Variants in ACBD3 observed in about 807,000 individuals in gnomAD.
ACBD3 encodes the protein Golgi resident protein GCP60.
A neutral mutation model predicts 66.9 loss-of-function variants in ACBD3; 30 were observed. The observed-to-expected ratio is 0.45, with a 90% CI of 0.34 to 0.61. The LOEUF (loss-of-function observed/expected upper bound fraction) is 0.61. Ranked by LOEUF, ACBD3 falls within the 20% of genes least tolerant of loss-of-function variation. The pLI is 0.02. For missense variants in ACBD3, 544 were observed against 664.5 expected (o/e 0.82, Z 1.99); for synonymous variants, 278 against 259.8 (o/e 1.07, Z -0.68).
intron 1 of ACBD3, among the ~76,000 whole-genome samples, chr1:226,184,819 A>G (rs1040139249): frequency 4.1e-5 from 6 of 145,030 alleles, no homozygotes; most frequent in African/African-American, 1.5e-4. Flanking sequence ...TTTTTTTTTT[A>G]GACGGAGTTT....
intron 1 of ACBD3, among the ~76,000 whole-genome samples, chr1:226,183,775 T>G (rs1656229031): frequency 6.6e-6 from 1 of 150,904 alleles, no homozygotes; most frequent in Non-Finnish European, 1.5e-5. Flanking sequence ...TCTCAGCTAC[T>G]CGGGAGGCAG....
In ACBD3 at chr1:226,186,723, C is replaced by A. The variant is rs780624247; in HGVS notation, c.-48G>T. On this transcript the variant is annotated 5_prime_UTR_variant, in exon 1 of 8. Coordinates refer to ENST00000366812, the MANE Select transcript of ACBD3 (RefSeq NM_022735.4). ...GCGGGGACAGACGGCAGCCACGTAT[C>A]GACTTCCTGCTGACCTCTGACCTCC... 1.5e-5 allele frequency: 22 copies of A among 1,432,116 alleles called. No individual in the cohort carries two copies. The highest frequency in any genetic ancestry group is 2.0e-5 in the Non-Finnish European group (22 of 1,095,704). 88.7% of individuals were successfully genotyped at this position (1,432,116 alleles called of 1,614,324 possible).
intron 7 of ACBD3, chr1:226,148,077 G>C (rs1266655621): frequency 6.6e-6 from 1 of 152,210 alleles, no homozygotes; most frequent in East Asian, 1.9e-4. Flanking sequence ...AGGTAAGTTT[G>C]AGAAATTCTC....
chr1:226,183,821 T>C (rs868488162), intron 1 of ACBD3, among the ~76,000 whole-genome samples: 3 of 143,652 alleles, frequency 2.1e-5, no homozygotes, highest in African/African-American at 7.8e-5. Flanking sequence ...GAGGCAGAGG[T>C]TGCAGTGAGC....
rs897903804 is a variant in ACBD3 at position 226,186,304 on chromosome 1, C to G, written c.286+86G>C. 122 of 1,413,842 alleles carry G rather than the reference C, an allele frequency of 8.6e-5. 3 individuals are homozygous for G. The South Asian group carries it at 1.7e-3, about 20-fold the overall frequency. 87.6% of individuals were successfully genotyped at this position (1,413,842 alleles called of 1,614,324 possible). ...CCAGTATGAGTGGGTGAGGGCAAGT[C>G]TGGTCCAGTCACCCTGGGGACCACA... On this transcript the variant is annotated intron_variant, in intron 1 of 7. Transcript: ENST00000366812.
chr1:226,164,671 TG>T, intron 3 of ACBD3, 117 bp downstream of exon 3: 1 of 1,183,482 alleles, frequency 8.4e-7, no homozygotes, highest in Non-Finnish European at 1.1e-6. Flanking sequence ...CCACAAGAAA[TG>T]GGGATCCAAG....
intron 1 of ACBD3, among the ~76,000 whole-genome samples, chr1:226,171,109 T>G (rs1659985234): frequency 6.6e-6 from 1 of 151,478 alleles, no homozygotes; most frequent in Non-Finnish European, 1.5e-5. Flanking sequence ...CATTTGATAA[T>G]GTGAACTAGG....
At chr1:226,180,844 C>CAAAAA (rs1656154099) in intron 1 of ACBD3, among the ~76,000 whole-genome samples, 2 of 152,050 alleles carry the variant, frequency 1.3e-5, no homozygotes, top group South Asian at 4.2e-4. Flanking sequence ...ACTAAAAATA[C>CAAAAA]AAAAATTAGC....
intron 1 of ACBD3, among the ~76,000 whole-genome samples, chr1:226,181,953 G>A (rs1038322761): frequency 3.3e-5 from 5 of 152,156 alleles, no homozygotes; most frequent in East Asian, 3.9e-4. Context: ...AACTCTGGCC[G>A]GGCGTGGTAG....
chr1:226,168,217 G>A (rs1378852713), intron 1 of ACBD3, among the ~76,000 whole-genome samples: 1 of 152,046 alleles, frequency 6.6e-6, no homozygotes, highest in Non-Finnish European at 1.5e-5. Flanking sequence ...ATGTGAATGT[G>A]GGATCTCTGT....
At chr1:226,147,108 T>A (rs1659470218) in intron 7 of ACBD3, among the ~76,000 whole-genome samples, 1 of 152,206 alleles carries the variant, frequency 6.6e-6, no homozygotes, top group Non-Finnish European at 1.5e-5. Context: ...GCCAGGATTG[T>A]CTCAATCTCC....
At chr1:226,161,802 A>ATG in intron 3 of ACBD3, 113 bp from the exon 4 acceptor site, 1 of 1,256,314 alleles carries the variant, frequency 8.0e-7, no homozygotes, top group Non-Finnish European at 1.1e-6. Flanking sequence ...GTGGATATAT[A>ATG]CATCAAAATT....
chr1:226,161,775 C>A, intron 3 of ACBD3, 86 bp from the exon 4 acceptor site: 1 of 1,443,690 alleles, frequency 6.9e-7, no homozygotes. Flanking sequence ...ACTGACATGA[C>A]CTTTTTAGAG....
At position 226,152,310 on chromosome 1, in the gene ACBD3, ACTGAATATG is replaced by A; in HGVS notation, c.1375+16_1375+24del. On this transcript the variant is annotated intron_variant, in intron 7 of 7. Coordinates refer to ENST00000366812, the MANE Select transcript of ACBD3 (RefSeq NM_022735.4). ...TCTGCCAACACACAACCCAGCAGCT[ACTGAATATG>A]GACCAAGGGTTCTACCTTCTTCCTC... The A allele has an allele frequency of 6.2e-7, 1 of 1,610,118 alleles. No individual in the cohort carries two copies. The highest frequency in any genetic ancestry group is 8.5e-7 in the Non-Finnish European group (1 of 1,177,678).
At chr1:226,156,858 T>C (rs920433155) in intron 5 of ACBD3, among the ~76,000 whole-genome samples, 6 of 152,186 alleles carry the variant, frequency 3.9e-5, no homozygotes, top group East Asian at 1.9e-4. Flanking sequence ...TGATGATCAA[T>C]AGGCCCAGCT....
At chr1:226,155,898 C>A (rs1048390990) in intron 5 of ACBD3, among the ~76,000 whole-genome samples, 1 of 152,108 alleles carries the variant, frequency 6.6e-6, no homozygotes, top group Non-Finnish European at 1.5e-5. Context: ...ATCAAAATGT[C>A]CTCTGAGTCA....
intron 1 of ACBD3, among the ~76,000 whole-genome samples, chr1:226,168,094 T>G (rs1659908472): frequency 6.6e-6 from 1 of 152,230 alleles, no homozygotes; most frequent in Non-Finnish European, 1.5e-5. Flanking sequence ...TATTATGTTT[T>G]TCCTAAATGT....
chr1:226,178,379 G>A (rs978881466), intron 1 of ACBD3, among the ~76,000 whole-genome samples: 1 of 151,644 alleles, frequency 6.6e-6, no homozygotes, highest in Non-Finnish European at 1.5e-5. Context: ...GACCATCCTG[G>A]CTAACATGGT....
intron 1 of ACBD3, among the ~76,000 whole-genome samples, chr1:226,175,222 A>G (rs1450485358): frequency 6.6e-6 from 1 of 152,214 alleles, no homozygotes; most frequent in Non-Finnish European, 1.5e-5. Context: ...CAAAAGTGAC[A>G]GTAAAACACA....
Sources: gnomAD v4.1 joint callset for allele counts (sites outside exome capture counted in the v4.1 genomes callset) on GRCh38, gnomAD v4.1.1 for gene constraint, MANE v1.5 for transcripts, NCBI Gene and HGNC (gene_info 2026-07-23, HGNC 2026-07-21) for gene names.